Variants in PTPRD observed in about 807,000 individuals in gnomAD.
The protein encoded by PTPRD is receptor-type tyrosine-protein phosphatase delta.
Under a neutral mutation model 214.5 loss-of-function variants are expected in PTPRD, and 34 were observed. The observed-to-expected ratio is 0.16, with a 90% CI of 0.12 to 0.21. The LOEUF (loss-of-function observed/expected upper bound fraction) is 0.21. Ranked by LOEUF, PTPRD falls within the 10% of genes least tolerant of loss-of-function variation. The probability of loss-of-function intolerance (pLI) is 1.00; values close to 1 mark genes in which losing one functional copy is unlikely to be tolerated. For synonymous variants in PTPRD, 1,128 were observed against 845.7 expected (o/e 1.33, Z -5.79); for missense variants, 2,545 against 2,398.7 (o/e 1.06, Z -1.27).
chr9:8,490,266 C>T (rs895419572), intron 27 of PTPRD, among the ~76,000 whole-genome samples: 2 of 152,188 alleles, frequency 1.3e-5, no homozygotes, highest in Non-Finnish European at 2.9e-5. Flanking sequence ...ACTCTTCTCC[C>T]TTTTACATTT....
At position 9,002,735 on chromosome 9, in the gene PTPRD, A is replaced by C. The variant is rs2099428932; in HGVS notation, c.-104+15962T>G. On this transcript the variant is annotated intron_variant, in intron 11 of 45. Coordinates refer to ENST00000381196, the MANE Select transcript of PTPRD (RefSeq NM_002839.4). ...TTTGCACCCAAATTTGTGTCTTAGA[A>C]ATTTGCTTAATATCCTAATCCCTCT... is the stretch of plus-strand genomic sequence containing the variant. Among the ~76,000 whole-genome samples, 5 of 152,144 alleles carry C rather than the reference A, an allele frequency of 3.3e-5. No homozygotes were observed. In the South Asian group the frequency reaches 1.0e-3, roughly 31 times the overall value.
chr9:8,405,776 T>C (rs1244366538), intron 35 of PTPRD, among the ~76,000 whole-genome samples: 2 of 152,182 alleles, frequency 1.3e-5, no homozygotes, highest in Non-Finnish European at 2.9e-5. Context: ...TATGTTAACA[T>C]AATTTTTAGC....
intron 8 of PTPRD, among the ~76,000 whole-genome samples, chr9:9,467,612 T>G (rs964400036): frequency 6.4e-4 from 34 of 53,108 alleles, no homozygotes; most frequent in African/African-American, 2.0e-3. Flanking sequence ...AAAAAAAAAG[T>G]TGAGCAGAAA....
chr9:8,622,005 G>A (rs2095841652), intron 14 of PTPRD, among the ~76,000 whole-genome samples: 1 of 151,754 alleles, frequency 6.6e-6, no homozygotes, highest in East Asian at 2.0e-4. Context: ...TTTGCTTAAT[G>A]AAGTCCTCTG....
intron 4 of PTPRD, among the ~76,000 whole-genome samples, chr9:9,947,389 ATACATATT>A: frequency 1.8e-5 from 1 of 56,816 alleles, no homozygotes; most frequent in South Asian, 4.1e-4. Context: ...TATATTTTAT[ATACATATT>A]ATATATAATA....
At chr9:9,449,951 T>C (rs2091647732) in intron 8 of PTPRD, among the ~76,000 whole-genome samples, 1 of 152,110 alleles carries the variant, frequency 6.6e-6, no homozygotes, top group African/African-American at 2.4e-5. Context: ...TCCACATATC[T>C]TAGCTCCCAC....
chr9:8,841,315 C>G (rs571164573), intron 11 of PTPRD, among the ~76,000 whole-genome samples: 2 of 152,348 alleles, frequency 1.3e-5, no homozygotes, highest in South Asian at 4.1e-4. Context: ...AAACCCTCTA[C>G]TTTTCCACTT....
intron 11 of PTPRD, among the ~76,000 whole-genome samples, chr9:8,850,867 C>T (rs1261738123): frequency 2.6e-5 from 4 of 152,088 alleles, no homozygotes. Flanking sequence ...TCAAAATGTC[C>T]CTTTAGATGG....
intron 5 of PTPRD, among the ~76,000 whole-genome samples, chr9:9,929,076 G>A (rs184673610): frequency 6.6e-6 from 1 of 152,230 alleles, no homozygotes; most frequent in East Asian, 1.9e-4. Context: ...TTGAGCCTAA[G>A]CAATAGATAC....
chr9:8,612,259 C>T (rs1378435185), intron 14 of PTPRD, among the ~76,000 whole-genome samples: 1 of 152,154 alleles, frequency 6.6e-6, no homozygotes, highest in African/African-American at 2.4e-5. Context: ...ACGATTCATC[C>T]AGTAAGTATA....
intron 4 of PTPRD, among the ~76,000 whole-genome samples, chr9:9,963,504 T>C (rs542084084): frequency 2.0e-4 from 31 of 152,300 alleles, no homozygotes; most frequent in Non-Finnish European, 2.6e-4. Flanking sequence ...TGGATTGTAA[T>C]GGAAACCAGA....
intron 12 of PTPRD, among the ~76,000 whole-genome samples, chr9:8,698,517 C>CA (rs2097985330): frequency 6.6e-6 from 1 of 152,176 alleles, no homozygotes; most frequent in Non-Finnish European, 1.5e-5. Context: ...AAAAATTCTT[C>CA]AGTCATTTTC....
chr9:9,550,574 C>T (rs955745832), intron 8 of PTPRD, among the ~76,000 whole-genome samples: 1 of 149,516 alleles, frequency 6.7e-6, no homozygotes, highest in Non-Finnish European at 1.5e-5. Flanking sequence ...ATATATATCC[C>T]AATTTATCCT....
At chr9:9,954,713 ATTTT>A (rs1163151424) in intron 4 of PTPRD, among the ~76,000 whole-genome samples, 4 of 152,044 alleles carry the variant, frequency 2.6e-5, no homozygotes, top group African/African-American at 9.7e-5. Flanking sequence ...AACAGTTCCT[ATTTT>A]TTATATCAAT....
intron 9 of PTPRD, among the ~76,000 whole-genome samples, chr9:9,218,005 A>G (rs1296819409): frequency 2.0e-5 from 3 of 152,000 alleles, no homozygotes; most frequent in Non-Finnish European, 2.9e-5. Context: ...GTTCATGTTC[A>G]CTCTGTTTGT....
At chr9:8,819,078 T>C (rs1280322486) in intron 11 of PTPRD, among the ~76,000 whole-genome samples, 1 of 152,170 alleles carries the variant, frequency 6.6e-6, no homozygotes, top group Admixed American at 6.5e-5. Context: ...AGAGATCAAC[T>C]TTCAAAATTA....
intron 7 of PTPRD, among the ~76,000 whole-genome samples, chr9:9,640,870 G>C (rs1042424976): frequency 3.9e-5 from 6 of 152,198 alleles, no homozygotes; most frequent in African/African-American, 1.4e-4. Context: ...GATACTTAAA[G>C]CAAGTACATT....
chr9:10,472,362 T>C (rs1460427480), intron 2 of PTPRD, among the ~76,000 whole-genome samples: 1 of 152,190 alleles, frequency 6.6e-6, no homozygotes, highest in African/African-American at 2.4e-5. Flanking sequence ...TTGTTAAGTT[T>C]CACATTACAG....
intron 8 of PTPRD, among the ~76,000 whole-genome samples, chr9:9,436,736 T>G (rs1310846467): frequency 6.6e-6 from 1 of 152,118 alleles, no homozygotes; most frequent in African/African-American, 2.4e-5. Context: ...AACATTTAAA[T>G]AATTAGCAGT....
Sources: allele counts gnomAD v4.1 joint callset (sites outside exome capture counted in the v4.1 genomes callset), GRCh38; gene constraint gnomAD v4.1.1; transcripts MANE v1.5; gene names NCBI Gene and HGNC (gene_info 2026-07-23, HGNC 2026-07-21).